FGF14: variants seen among roughly 807,000 people sequenced by gnomAD.
The protein encoded by FGF14 is fibroblast growth factor 14.
FGF14 carries 5 observed loss-of-function variants against 25.5 expected under a neutral mutation model. That is an observed-to-expected ratio of 0.20 (90% CI 0.10 to 0.41). The LOEUF is 0.41. Ranked by LOEUF, FGF14 falls within the 10% of genes least tolerant of loss-of-function variation. The probability of loss-of-function intolerance (pLI) is 1.00; values close to 1 mark genes in which losing one functional copy is unlikely to be tolerated. For missense variants in FGF14, 222 were observed against 320.1 expected, an observed-to-expected ratio of 0.69 and a Z score of 2.34; for synonymous variants, 138 against 118.3, an observed-to-expected ratio of 1.17 and a Z score of -1.08.
intron 3 of FGF14, among the ~76,000 whole-genome samples, chr13:101,816,572 T>C (rs2041860509): frequency 6.6e-6 from 1 of 152,232 alleles, no homozygotes; most frequent in Admixed American, 6.5e-5. Context: ...AAATTATACA[T>C]CTTAAGCAGT....
chr13:101,769,323 A>G (rs1217659034), intron 3 of FGF14, among the ~76,000 whole-genome samples: 1 of 151,230 alleles, frequency 6.6e-6, no homozygotes, highest in Non-Finnish European at 1.5e-5. Context: ...AGTATTAGAC[A>G]ACAGAAACTC....
intron 1 of FGF14, among the ~76,000 whole-genome samples, chr13:101,914,393 TAAG>T (rs941996503): frequency 2.0e-5 from 3 of 151,874 alleles, no homozygotes; most frequent in East Asian, 1.9e-4. Flanking sequence ...ATAAGAAATA[TAAG>T]AAGAATAAAA....
Position 101,715,712 on chromosome 13 carries a change from T to C in FGF14, c.*7119A>G. The stretch of plus-strand genomic sequence containing the variant: ...TTTCTGGGCCATTAGAACAGATAAA[T>C]GCGAAGGAAACCATGTATATTCACC... On this transcript the variant is annotated 3_prime_UTR_variant, in exon 5 of 5. Coordinates refer to ENST00000376143, the MANE Select transcript of FGF14 (RefSeq NM_004115.4). 4 of 1,091,656 alleles carry C rather than the reference T, an allele frequency of 3.7e-6. No individual in the cohort carries two copies. The highest frequency in any genetic ancestry group is 5.7e-6 in the Non-Finnish European group (4 of 703,950). 67.6% of individuals were successfully genotyped at this position (1,091,656 alleles called of 1,614,324 possible).
At chr13:101,820,142 A>G (rs2042040321) in intron 3 of FGF14, among the ~76,000 whole-genome samples, 1 of 152,210 alleles carries the variant, frequency 6.6e-6, no homozygotes, top group East Asian at 1.9e-4. Flanking sequence ...AATGTCAGAG[A>G]AACAGTGGCA....
At chr13:102,018,275 C>G (rs1025769023) in intron 1 of FGF14, among the ~76,000 whole-genome samples, 3 of 152,140 alleles carry the variant, frequency 2.0e-5, no homozygotes, top group Admixed American at 6.6e-5. Flanking sequence ...GTTTTGTACA[C>G]CACCTGGTGT....
intron 1 of FGF14, among the ~76,000 whole-genome samples, chr13:101,972,622 C>T (rs1028785641): frequency 4.6e-5 from 7 of 152,158 alleles, no homozygotes; most frequent in Admixed American, 1.3e-4. Flanking sequence ...CCTCATGACT[C>T]ATTTCAATCT....
At chr13:102,394,655 A>G (rs961927878) in intron 1 of FGF14, 1 of 152,244 alleles carries the variant, frequency 6.6e-6, no homozygotes, top group African/African-American at 2.4e-5. Context: ...CGGCGAGCCG[A>G]GGCTGGGAGC....
chr13:101,917,101 T>C (rs944173386), upstream of FGF14, among the ~76,000 whole-genome samples: 1 of 151,620 alleles, frequency 6.6e-6, no homozygotes, highest in Admixed American at 6.6e-5. Context: ...GCAGGGTCTC[T>C]GCGCGTCCGT....
chr13:101,985,809 A>T (rs2038543457), intron 1 of FGF14, among the ~76,000 whole-genome samples: 1 of 152,134 alleles, frequency 6.6e-6, no homozygotes, highest in Non-Finnish European at 1.5e-5. Flanking sequence ...GATGCAGCTT[A>T]AATATTTAAA....
In FGF14 at chr13:102,263,324, G is replaced by T. The variant is rs184908626; in HGVS notation, c.208+138147C>A. ...GTAAGGTGGACTTACTCATTTTAAA[G>T]ATGGAGAAATGGAGTAGTGAGCAGT... On this transcript the variant is annotated intron_variant, in intron 1 of 4. Coordinates refer to the FGF14 transcript ENST00000376131. The T allele has an allele frequency of 9.0e-4, 237 of 262,790 alleles. 1 individual carries two copies. The highest frequency in any genetic ancestry group is 5.0e-3 in the African/African-American group (219 of 43,948). 16.3% of individuals were successfully genotyped at this position (262,790 alleles called of 1,614,324 possible).
At chr13:101,739,785 C>T (rs1456509450) in intron 3 of FGF14, among the ~76,000 whole-genome samples, 2 of 152,094 alleles carry the variant, frequency 1.3e-5, no homozygotes, top group Non-Finnish European at 2.9e-5. Context: ...ATACTCAGTA[C>T]CTGTTTTAAG....
chr13:101,997,259 A>T (rs892462072), intron 1 of FGF14, among the ~76,000 whole-genome samples: 1 of 151,078 alleles, frequency 6.6e-6, no homozygotes, highest in Non-Finnish European at 1.5e-5. Context: ...CTTCTAGAAC[A>T]GTGCCCACTA....
At chr13:101,872,617 A>G (rs2045165061) in intron 2 of FGF14, among the ~76,000 whole-genome samples, 1 of 152,094 alleles carries the variant, frequency 6.6e-6, no homozygotes, top group South Asian at 2.1e-4. Context: ...GGACATAAAA[A>G]TGAAGTTAAT....
intron 1 of FGF14, among the ~76,000 whole-genome samples, chr13:101,950,635 G>A (rs567280202): frequency 6.6e-6 from 1 of 152,212 alleles, no homozygotes; most frequent in Non-Finnish European, 1.5e-5. Flanking sequence ...ACTTCAAAAT[G>A]CCTTTTCGTT....
chr13:102,277,018 A>C (rs1342179858), intron 1 of FGF14, among the ~76,000 whole-genome samples: 1 of 152,160 alleles, frequency 6.6e-6, no homozygotes, highest in Non-Finnish European at 1.5e-5. Flanking sequence ...GGAAGGATTA[A>C]TATGTTGCCT....
At chr13:101,974,571 A>G (rs1325724518) in intron 1 of FGF14, among the ~76,000 whole-genome samples, 1 of 152,198 alleles carries the variant, frequency 6.6e-6, no homozygotes, top group Non-Finnish European at 1.5e-5. Flanking sequence ...GCTCTCTGAA[A>G]CAGAGCTACC....
At chr13:101,824,488 A>AT (rs1161889037) in intron 3 of FGF14, among the ~76,000 whole-genome samples, 1 of 151,980 alleles carries the variant, frequency 6.6e-6, no homozygotes, top group Non-Finnish European at 1.5e-5. Context: ...TTTTTGTTTG[A>AT]TTTTTTAAAT....
intron 3 of FGF14, among the ~76,000 whole-genome samples, chr13:101,843,138 T>G (rs1204719238): frequency 6.6e-6 from 1 of 152,084 alleles, no homozygotes; most frequent in Non-Finnish European, 1.5e-5. Context: ...AGAAGTTAAA[T>G]GTATCAAAAG....
chr13:101,803,933 T>C lies in FGF14; in HGVS notation c.408+64792A>G, dbSNP rs895109661. ...TCGGAAGAGGAATTTAAGCTGGAAA[T>C]ATATAGAAGCTATTTGCATTTAGTT... On this transcript the variant is annotated intron_variant, in intron 3 of 4. Coordinates refer to ENST00000376143, the MANE Select transcript of FGF14 (RefSeq NM_004115.4). 3.3e-5 allele frequency among the ~76,000 whole-genome samples: 5 copies of C among 152,106 alleles called. No homozygotes were observed. In the South Asian group the frequency reaches 1.0e-3, roughly 32 times the overall value.
Sources: gnomAD v4.1 joint callset for allele counts (sites outside exome capture counted in the v4.1 genomes callset) on GRCh38, gnomAD v4.1.1 for gene constraint, MANE v1.5 for transcripts, NCBI Gene and HGNC (gene_info 2026-07-23, HGNC 2026-07-21) for gene names.